The following TMED3 variants were observed in gnomAD, a reference collection of about 807,000 sequenced individuals.
TMED3 encodes the protein transmembrane p24 trafficking protein 3, also known as transmembrane emp24 domain-containing protein 3.
TMED3 carries 9 observed loss-of-function variants against 15.0 expected under a neutral mutation model. The observed-to-expected ratio is 0.60, with a 90% CI of 0.36 to 1.04. The LOEUF (loss-of-function observed/expected upper bound fraction) is 1.04. TMED3 is among the 50% of genes least tolerant of loss of function. The pLI is 0.01. For missense variants in TMED3, 267 were observed against 278.9 expected (o/e 0.96, Z 0.30); for synonymous variants, 117 against 121.4 (o/e 0.96, Z 0.24).
intron 2 of TMED3, among the ~76,000 whole-genome samples, chr15:79,352,969 A>G (rs1301636968): frequency 8.5e-6 from 1 of 117,744 alleles, no homozygotes; most frequent in Non-Finnish European, 1.7e-5. Context: ...TATAATATAT[A>G]AAATATATAT....
intron 2 of TMED3, among the ~76,000 whole-genome samples, chr15:79,370,166 C>T (rs1893310233): frequency 6.6e-6 from 1 of 151,802 alleles, no homozygotes; most frequent in Non-Finnish European, 1.5e-5. Flanking sequence ...TCTCGGCTCA[C>T]TGCAACCTCC....
intron 2 of TMED3, among the ~76,000 whole-genome samples, chr15:79,382,005 A>T (rs1475974268): frequency 6.6e-6 from 1 of 152,224 alleles, no homozygotes; most frequent in East Asian, 1.9e-4. Context: ...TAGTAAAATC[A>T]TGTGCATTGT....
At chr15:79,335,437 A>T (rs903575264) in intron 2 of TMED3, among the ~76,000 whole-genome samples, 1 of 152,214 alleles carries the variant, frequency 6.6e-6, no homozygotes, top group Non-Finnish European at 1.5e-5. Flanking sequence ...TACTGTCCTC[A>T]GGGAACTCTG....
At chr15:79,354,318 C>T (rs1463806002) in intron 2 of TMED3, among the ~76,000 whole-genome samples, 1 of 152,082 alleles carries the variant, frequency 6.6e-6, no homozygotes, top group African/African-American at 2.4e-5. Context: ...TAATCTAGAA[C>T]ATCCAAGTCC....
At chr15:79,399,279 C>T (rs982174405) in intron 2 of TMED3, among the ~76,000 whole-genome samples, 6 of 152,122 alleles carry the variant, frequency 3.9e-5, no homozygotes, top group African/African-American at 1.2e-4. Context: ...AATATCTGAG[C>T]TCCCCAAGGC....
chr15:79,321,637 A>G (rs1285213561), intron 2 of TMED3, among the ~76,000 whole-genome samples: 1 of 152,186 alleles, frequency 6.6e-6, no homozygotes, highest in Non-Finnish European at 1.5e-5. Flanking sequence ...TGTGTGGGAT[A>G]AGCCCTCGTT....
intron 2 of TMED3, among the ~76,000 whole-genome samples, chr15:79,355,768 C>T (rs746875397): frequency 6.6e-6 from 1 of 152,196 alleles, no homozygotes; most frequent in Non-Finnish European, 1.5e-5. Flanking sequence ...AGGAGCCGGC[C>T]TGACCCTCCA....
chr15:79,411,770 G>A, exon 3 of TMED3: 1 of 411,730 alleles, frequency 2.4e-6, no homozygotes, highest in South Asian at 3.3e-5. Flanking sequence ...GGTAGGGGCA[G>A]CACTTCAGCC....
chr15:79,362,502 A>G (rs1231993101), intron 2 of TMED3, among the ~76,000 whole-genome samples: 1 of 152,032 alleles, frequency 6.6e-6, no homozygotes. Flanking sequence ...AGTTTAAATA[A>G]AAATTAAAAG....
At chr15:79,381,342 C>A (rs759307169) in intron 2 of TMED3, among the ~76,000 whole-genome samples, 1 of 152,164 alleles carries the variant, frequency 6.6e-6, no homozygotes, top group Non-Finnish European at 1.5e-5. Flanking sequence ...CCAAAGGAGA[C>A]AAACCCACAA....
rs777801709 is a variant in TMED3, at chr15:79,322,013, G to A, written c.453G>A (p.Leu151=). 6.2e-7 allele frequency: 1 copy of A among 1,614,206 alleles called. No individual in the cohort carries two copies. The highest frequency in any genetic ancestry group is 2.2e-5 in the East Asian group (1 of 44,880). ...ESACVTIHEA[L]KTVIDSQTHY... ...CCTGCGTGACCATCCATGAGGCTCT[G>A]AAAACGGTGATTGACTCCCAGACGC... The change falls in exon 3 of 3, where the codon CTG becomes CTA. Residue 151 remains leucine (L), a synonymous_variant. Transcript: ENST00000299705.
chr15:79,341,502 G>C (rs2058851577), intron 2 of TMED3, among the ~76,000 whole-genome samples: 1 of 152,136 alleles, frequency 6.6e-6, no homozygotes, highest in South Asian at 2.1e-4. Flanking sequence ...TTTTAGGTAG[G>C]CGAGCCCATG....
chr15:79,357,385 T>G (rs1397277994), intron 2 of TMED3, among the ~76,000 whole-genome samples: 1 of 142,062 alleles, frequency 7.0e-6, no homozygotes, highest in African/African-American at 2.7e-5. Flanking sequence ...CTTGAGACGC[T>G]GAGGCAGTAG....
chr15:79,400,215 T>C (rs1005019211), intron 2 of TMED3, among the ~76,000 whole-genome samples: 3 of 152,226 alleles, frequency 2.0e-5, no homozygotes, highest in East Asian at 1.9e-4. Flanking sequence ...CCTAATGTTT[T>C]AGTTCTCAGC....
chr15:79,324,278 A>G (rs2058779675), downstream of TMED3, among the ~76,000 whole-genome samples: 1 of 152,248 alleles, frequency 6.6e-6, no homozygotes, highest in Non-Finnish European at 1.5e-5. Flanking sequence ...GGCGTGAGCC[A>G]CTGCACCCGG....
intron 2 of TMED3, among the ~76,000 whole-genome samples, chr15:79,368,981 G>T (rs1379790328): frequency 6.6e-6 from 1 of 151,644 alleles, no homozygotes; most frequent in African/African-American, 2.4e-5. Flanking sequence ...TGTAATCCCC[G>T]CTACTCGAGA....
downstream of TMED3, among the ~76,000 whole-genome samples, chr15:79,327,692 T>C (rs954324711): frequency 2.0e-5 from 3 of 152,258 alleles, no homozygotes; most frequent in Admixed American, 6.5e-5. Context: ...TGTGATGGTA[T>C]CTGGGAGAGT....
chr15:79,398,766 T>C (rs1298882293), intron 2 of TMED3, among the ~76,000 whole-genome samples: 1 of 132,074 alleles, frequency 7.6e-6, no homozygotes, highest in Non-Finnish European at 1.8e-5. Flanking sequence ...ATTGTGTTTA[T>C]CCAGATGTCT....
chr15:79,383,114 C>A, intron 2 of TMED3: 3 of 1,236,838 alleles, frequency 2.4e-6, no homozygotes, highest in East Asian at 5.1e-5. Flanking sequence ...CAGGTACCCA[C>A]AGCTTTACTG....
Sources: allele counts gnomAD v4.1 joint callset (sites outside exome capture counted in the v4.1 genomes callset), GRCh38; gene constraint gnomAD v4.1.1; transcripts MANE v1.5; gene names NCBI Gene and HGNC (gene_info 2026-07-23, HGNC 2026-07-21).